METTL13: variants seen among roughly 807,000 people sequenced by gnomAD.
METTL13 encodes the protein eEF1A lysine and N-terminal methyltransferase.
METTL13 carries 52 observed loss-of-function variants against 67.4 expected under a neutral mutation model. The observed-to-expected ratio is 0.77, with a 90% CI of 0.62 to 0.97. The LOEUF (loss-of-function observed/expected upper bound fraction) is 0.97, where lower values mean the gene tolerates loss of function less well. Ranked by LOEUF, METTL13 falls within the 50% of genes least tolerant of loss-of-function variation. The pLI is 0.00. For missense variants in METTL13, 825 were observed against 889.6 expected, an observed-to-expected ratio of 0.93 and a Z score of 0.92; for synonymous variants, 354 against 353.6, an observed-to-expected ratio of 1.00 and a Z score of -0.01.
rs780024228 is a variant in METTL13, at chr1:171,784,109, T to C, written c.523T>C (p.Ser175Pro). Residue 175 changes from serine (S) to proline (P), a missense_variant, in exon 2 of 8, where the codon TCC (serine) becomes CCC (proline). By Grantham distance (74) the Ser-to-Pro change is moderately conservative. Coordinates refer to ENST00000361735, the MANE Select transcript of METTL13 (RefSeq NM_015935.5). ...HILKKAVGHFSREGWMVRVHQ... is the reference protein window; with the variant it reads ...HILKKAVGHFPREGWMVRVHQ... ...CCTGAAGAAAGCAGTGGGCCACTTC[T>C]CCCGGGAGGGGTGGATGGTGAGGGT... 6.2e-7 allele frequency: 1 copy of C among 1,614,194 alleles called. No individual in the cohort carries two copies. The highest frequency in any genetic ancestry group is 1.1e-5 in the South Asian group (1 of 91,080).
chr1:171,787,978 G>A (rs1166481945), intron 4 of METTL13, 48 bp downstream of exon 4: 1 of 1,594,096 alleles, frequency 6.3e-7, no homozygotes, highest in Non-Finnish European at 8.6e-7. Context: ...CCGTGGCATG[G>A]ACTAGATTTC....
rs757234552 is a variant in METTL13, at chr1:171,783,992, T to C, written c.406T>C (p.Leu136=). Residue 136 remains leucine, a synonymous_variant, in exon 2 of 8, where the codon TTA becomes CTA. Coordinates refer to ENST00000361735, the MANE Select transcript of METTL13 (RefSeq NM_015935.5). ...AVLTDEEEKT[L]QQVDRMLAEV... ...CCTGACAGATGAGGAAGAGAAGACC[T>C]TACAACAGGTGGACAGGATGCTGGC... 2.5e-6 allele frequency: 4 copies of C among 1,614,200 alleles called. No homozygotes were observed. The highest frequency in any genetic ancestry group is 3.4e-6 in the Non-Finnish European group (4 of 1,180,034).
intron 4 of METTL13, among the ~76,000 whole-genome samples, chr1:171,788,291 C>T (rs1212588351): frequency 6.6e-6 from 1 of 152,174 alleles, no homozygotes; most frequent in Non-Finnish European, 1.5e-5. Context: ...CATAGTGTGA[C>T]TCACCTGTTT....
intron 1 of METTL13, 75 bp downstream of exon 1, chr1:171,782,195 G>A (rs1379456493): frequency 1.5e-6 from 2 of 1,319,246 alleles, no homozygotes; most frequent in Non-Finnish European, 2.2e-6. Flanking sequence ...CTTGCACTTG[G>A]TGGACAGTGA....
rs551149031 is a variant in METTL13, at chr1:171,786,096, C to T, written c.1113+18C>T. 4.1e-5 allele frequency: 65 copies of T among 1,604,370 alleles called. No homozygotes were observed. The Middle Eastern group carries it at 7.9e-4, about 19-fold the overall frequency. Reference sequence around the variant, plus strand: ...AGCAGCAGGTAACAAAGCTTTCGTACGGCTTTCATGGGTCTCTGAAGTCAT... The same window carrying T: ...AGCAGCAGGTAACAAAGCTTTCGTATGGCTTTCATGGGTCTCTGAAGTCAT... On this transcript the variant is annotated intron_variant, in intron 3 of 7. Transcript: ENST00000361735.
At chr1:171,790,428 T>C (rs1264376783) in intron 4 of METTL13, 24 bp from the exon 5 acceptor site, 4 of 1,562,714 alleles carry the variant, frequency 2.6e-6, no homozygotes, top group South Asian at 1.2e-5. Context: ...GTACTAAGCA[T>C]AGGGCTTCAT....
intron 6 of METTL13, 152 bp from the exon 7 acceptor site, chr1:171,794,244 T>C (rs549110343): frequency 1.6e-5 from 18 of 1,107,002 alleles, no homozygotes; most frequent in Non-Finnish European, 2.2e-5. Context: ...GGCCATGACA[T>C]CAGTGCCCTT....
At chr1:171,786,193 C>T in intron 3 of METTL13, 115 bp downstream of exon 3, 1 of 1,143,464 alleles carries the variant, frequency 8.7e-7, no homozygotes, top group South Asian at 1.6e-5. Context: ...TCATCTAATC[C>T]TGGAGGGGTA....
In METTL13 at chr1:171,785,961, G is replaced by T; in HGVS notation, c.996G>T (p.Arg332Ser). The T allele has an allele frequency of 6.2e-7, 1 of 1,613,930 alleles. No homozygotes were observed. The highest frequency in any genetic ancestry group is 1.3e-5 in the African/African-American group (1 of 75,036). Residue 332 changes from arginine (R) to serine (S), a missense_variant, in exon 3 of 8, where the codon AGG (arginine) becomes AGT (serine). By Grantham distance (110) the Arg-to-Ser change is moderately radical. Transcript: ENST00000361735. The part of the protein sequence containing the change: ...KQLAASAGFR[R>S]LITVALHRGQ... The stretch of plus-strand genomic sequence containing the variant: ...TGGCGGCCAGTGCTGGCTTCAGGAG[G>T]TTGATTACAGTGGCCCTTCACCGAG...
chr1:171,783,601 T>C, intron 1 of METTL13, 139 bp from the exon 2 acceptor site: 1 of 949,916 alleles, frequency 1.1e-6, no homozygotes, highest in African/African-American at 1.6e-5. Context: ...AACTCTACAA[T>C]GTCGCTCTTT....
intron 4 of METTL13, among the ~76,000 whole-genome samples, chr1:171,788,250 A>G (rs185423554): frequency 4.8e-4 from 73 of 152,354 alleles, no homozygotes; most frequent in Admixed American, 3.6e-3. Flanking sequence ...GTGAGCCAGA[A>G]CTATGGAAGT....
intron 3 of METTL13, 21 bp from the exon 4 acceptor site, chr1:171,787,714 C>T: frequency 6.2e-7 from 1 of 1,604,380 alleles, no homozygotes; most frequent in Non-Finnish European, 8.5e-7. Context: ...GTTTTGACCA[C>T]ATCTCTGGTT....
At chr1:171,782,249 G>C (rs1656850980) in intron 1 of METTL13, 129 bp downstream of exon 1, 1 of 803,224 alleles carries the variant, frequency 1.2e-6, no homozygotes, top group South Asian at 1.7e-5. Flanking sequence ...AGCATTTCCT[G>C]CATTGTTCCT....
At chr1:171,782,273 C>G (rs1427080614) in intron 1 of METTL13, among the ~76,000 whole-genome samples, 153 bp downstream of exon 1, 1 of 152,042 alleles carries the variant, frequency 6.6e-6, no homozygotes, top group East Asian at 1.9e-4. Context: ...AAAAGACAAA[C>G]TAGAATATTC....
chr1:171,787,838 A>T lies in METTL13; in HGVS notation c.1217A>T (p.Asp406Val), dbSNP rs776049176. ...TATGTCATTGAGGATGTGCAAGGGG[A>T]TGACAAGCGATACTTCCGTCGACTG... ...GDYVIEDVQG[D>V]DKRYFRRLIF... The change falls in exon 4 of 8, where the codon GAT (aspartate) becomes GTT (valine). Residue 406 changes from aspartate (D) to valine (V), a missense_variant. Coordinates refer to ENST00000361735, the MANE Select transcript of METTL13 (RefSeq NM_015935.5). 1.9e-6 allele frequency: 3 copies of T among 1,614,116 alleles called. No homozygotes were observed. Among genetic ancestry groups the T allele is most frequent in the East Asian group, 2.2e-5 (1 of 44,864 alleles).
At chr1:171,794,678 G>C (rs898592553) in intron 7 of METTL13, 151 bp downstream of exon 7, 3 of 1,143,612 alleles carry the variant, frequency 2.6e-6, no homozygotes, top group East Asian at 5.1e-5. Flanking sequence ...AAAATTTCCA[G>C]CTTGCCAGAA....
intron 4 of METTL13, among the ~76,000 whole-genome samples, chr1:171,788,140 C>G (rs1441502380): frequency 2.1e-5 from 3 of 145,326 alleles, no homozygotes; most frequent in Non-Finnish European, 3.1e-5. Context: ...GTAGTGAAAC[C>G]AAATACAGTG....
chr1:171,783,061 CTT>C (rs56363000), intron 1 of METTL13, among the ~76,000 whole-genome samples: 33 of 138,616 alleles, frequency 2.4e-4, no homozygotes, highest in Non-Finnish European at 3.1e-4. Context: ...CCGAGAGCCA[CTT>C]TTTTTTTTTT....
At chr1:171,790,724 A>G (rs1326218182) in intron 5 of METTL13, 108 bp downstream of exon 5, 11 of 1,205,474 alleles carry the variant, frequency 9.1e-6, no homozygotes, top group South Asian at 5.1e-5. Context: ...CAAGCTGACA[A>G]TGTATCTTTC....
Sources: allele counts gnomAD v4.1 joint callset (sites outside exome capture counted in the v4.1 genomes callset), GRCh38; gene constraint gnomAD v4.1.1; transcripts MANE v1.5; gene names NCBI Gene and HGNC (gene_info 2026-07-23, HGNC 2026-07-21).